Variants in SYNE1 observed in about 807,000 individuals in gnomAD.
The protein encoded by SYNE1 is spectrin repeat containing nuclear envelope protein 1.
SYNE1 carries 616 observed loss-of-function variants against 1,111.0 expected under a neutral mutation model. The ratio of observed to expected loss-of-function variants is 0.55; its 90% confidence interval spans 0.52 to 0.59. The LOEUF (loss-of-function observed/expected upper bound fraction) is 0.59. Ranked by LOEUF, SYNE1 falls within the 20% of genes least tolerant of loss-of-function variation. SYNE1 has a pLI of 0.00. For synonymous variants in SYNE1, 3,855 were observed against 3,825.8 expected (o/e 1.01, Z -0.28); for missense variants, 10,006 against 10,417.0 (o/e 0.96, Z 1.72).
At chr6:152,265,737 A>G (rs193063927) in intron 100 of SYNE1, among the ~76,000 whole-genome samples, 1 of 152,278 alleles carries the variant, frequency 6.6e-6, no homozygotes, top group Non-Finnish European at 1.5e-5. Context: ...ACATCAACAA[A>G]TTTCCAGTTG....
chr6:152,581,625 C>T (rs148958989), intron 3 of SYNE1, among the ~76,000 whole-genome samples: 1 of 152,156 alleles, frequency 6.6e-6, no homozygotes, highest in Non-Finnish European at 1.5e-5. Flanking sequence ...TTGTCCTGTC[C>T]TCAGACCTCC....
intron 98 of SYNE1, among the ~76,000 whole-genome samples, chr6:152,275,802 G>A (rs553249529): frequency 6.6e-6 from 1 of 151,012 alleles, no homozygotes; most frequent in South Asian, 2.1e-4. Context: ...CATTACTTGA[G>A]ACTGGGAGGC....
At chr6:152,591,718 C>G (rs891275921) in intron 3 of SYNE1, among the ~76,000 whole-genome samples, 5 of 152,032 alleles carry the variant, frequency 3.3e-5, no homozygotes, top group East Asian at 3.9e-4. Flanking sequence ...ACAGAGCAAA[C>G]AGGCATCCTA....
intron 3 of SYNE1, among the ~76,000 whole-genome samples, chr6:152,553,432 C>G (rs1595231945): frequency 6.6e-6 from 1 of 152,184 alleles, no homozygotes; most frequent in Non-Finnish European, 1.5e-5. Flanking sequence ...ACCCTCCTTA[C>G]TCCCTTTCCC....
chr6:152,180,838 A>C (rs558300363), intron 128 of SYNE1, among the ~76,000 whole-genome samples: 1 of 152,280 alleles, frequency 6.6e-6, no homozygotes, highest in African/African-American at 2.4e-5. Flanking sequence ...CAGGTGCCCC[A>C]AGGCTCAGCT....
chr6:152,384,944 T>C (rs1165599119), intron 55 of SYNE1, among the ~76,000 whole-genome samples: 3 of 152,144 alleles, frequency 2.0e-5, no homozygotes, highest in Non-Finnish European at 4.4e-5. Flanking sequence ...ATAATTTTTA[T>C]GACTTTTATG....
chr6:152,199,613 C>A (rs75137341), intron 127 of SYNE1, among the ~76,000 whole-genome samples: 590 of 152,252 alleles, frequency 3.9e-3, no homozygotes, highest in African/African-American at 0.012. Flanking sequence ...GTATAACCAG[C>A]TGTTGTTTTT....
chr6:152,556,207 A>C (rs1252814659), intron 3 of SYNE1, among the ~76,000 whole-genome samples: 1 of 152,234 alleles, frequency 6.6e-6, no homozygotes. Flanking sequence ...TAAGGAATAT[A>C]GTGCCTGAGT....
At chr6:152,402,739 G>A (rs2097841325) in intron 46 of SYNE1, 1 of 149,728 alleles carries the variant, frequency 6.7e-6, no homozygotes, top group African/African-American at 2.5e-5. Context: ...ACGTGTGTGT[G>A]TGTGTGAGAG....
intron 41 of SYNE1, among the ~76,000 whole-genome samples, chr6:152,415,094 A>G (rs1365342658): frequency 6.6e-6 from 1 of 152,152 alleles, no homozygotes; most frequent in Non-Finnish European, 1.5e-5. Context: ...CTTGGCATGA[A>G]TGCATTTCAG....
At chr6:152,145,632 C>T in intron 137 of SYNE1, 1 of 1,364,072 alleles carries the variant, frequency 7.3e-7, no homozygotes, top group Non-Finnish European at 1.0e-6. Context: ...AATAACTTTC[C>T]TAGGGGAAAA....
chr6:152,202,037 C>T (rs1163857973), intron 126 of SYNE1, 88 bp from the exon 127 acceptor site: 1 of 1,511,754 alleles, frequency 6.6e-7, no homozygotes. Flanking sequence ...TTCTTCATTC[C>T]CAGAGAAAGA....
At chr6:152,415,915 C>A (rs1442306570) in intron 41 of SYNE1, among the ~76,000 whole-genome samples, 1 of 150,604 alleles carries the variant, frequency 6.6e-6, no homozygotes, top group Non-Finnish European at 1.5e-5. Flanking sequence ...AGGTTAAGGA[C>A]ATGCCCGGAA....
At chr6:152,139,738 AAAGAAAG>A (rs1335745671) in intron 140 of SYNE1, among the ~76,000 whole-genome samples, 5 of 148,654 alleles carry the variant, frequency 3.4e-5, no homozygotes, top group Non-Finnish European at 5.9e-5. Context: ...AGAAAGAAAG[AAAGAAAG>A]AAAGAAAAGA....
intron 1 of SYNE1, 70 bp from the exon 2 acceptor site, chr6:152,636,875 T>C (rs1263916770): frequency 1.3e-5 from 2 of 152,372 alleles, no homozygotes; most frequent in Non-Finnish European, 2.9e-5. Context: ...GCGCTCACCC[T>C]GGCTGGCTCG....
chr6:152,148,073 G>C lies in SYNE1; in HGVS notation c.24948C>G (p.Phe8316Leu), dbSNP rs1211174931. The C allele has an allele frequency of 1.2e-6, 2 of 1,614,154 alleles. No individual in the cohort carries two copies. The highest frequency in any genetic ancestry group is 1.6e-4 in the Middle Eastern group (1 of 6,062). The stretch of plus-strand genomic sequence containing the variant: ...ATAAGCCAACAGCTCCCCGGAGGTA[G>C]AAATCTTTGTCATCCTGACCTTCTT... ...EDEEGQDDKD[F>L]YLRGAVGLSG... The change falls in exon 137 of 146, where the codon TTC becomes TTG. Residue 8316 changes from phenylalanine to leucine, a missense_variant. Transcript: ENST00000367255. This position sits in a 1 kb window ranked among gnomAD's most constrained non-coding sequence, Gnocchi z 4.1.
chr6:152,382,058 C>G (rs1483279787), intron 55 of SYNE1, among the ~76,000 whole-genome samples: 1 of 152,028 alleles, frequency 6.6e-6, no homozygotes, highest in African/African-American at 2.4e-5. Flanking sequence ...CAATTTAGCT[C>G]GATCTTAAAG....
At chr6:152,302,264 CAA>C in intron 91 of SYNE1, 4 of 689,932 alleles carry the variant, frequency 5.8e-6, no homozygotes, top group South Asian at 5.1e-5. Context: ...CAGGCACAGC[CAA>C]AGTGCCCGAG....
chr6:152,311,749 A>G lies in SYNE1; in HGVS notation c.16711-876T>C, dbSNP rs139850538. 1.6e-3 allele frequency among the ~76,000 whole-genome samples: 242 copies of G among 152,184 alleles called. 1 individual carries two copies. The highest frequency in any genetic ancestry group is 5.3e-3 in the African/African-American group (221 of 41,514). On this transcript the variant is annotated intron_variant, in intron 87 of 145. Transcript: ENST00000367255. ...TGTGTAAAGAGGAGAAATGAGGAAT[A>G]GGATATTATTCTTAGGCAATAGACT...
Sources: allele counts gnomAD v4.1 joint callset (sites outside exome capture counted in the v4.1 genomes callset), GRCh38; gene constraint gnomAD v4.1.1; non-coding constraint Gnocchi (gnomAD v3.1); transcripts MANE v1.5; gene names NCBI Gene and HGNC (gene_info 2026-07-23, HGNC 2026-07-21).